The following ABHD17B variants were observed in gnomAD, a reference collection of about 807,000 sequenced individuals.
ABHD17B encodes abhydrolase domain containing 17B, depalmitoylase, also known as alpha/beta hydrolase domain-containing protein 17B.
ABHD17B carries 9 observed loss-of-function variants against 26.2 expected under a neutral mutation model. That is an observed-to-expected ratio of 0.34 (90% CI 0.21 to 0.60). ABHD17B has a LOEUF of 0.60. Among genes scored for constraint, ABHD17B ranks in the 20% least tolerant of loss-of-function variants. The pLI is 0.80. For missense variants in ABHD17B, 224 were observed against 352.1 expected (o/e 0.64, Z 2.91); for synonymous variants, 127 against 122.3 (o/e 1.04, Z -0.25).
intron 1 of ABHD17B, among the ~76,000 whole-genome samples, chr9:71,884,325 T>C (rs895099582): frequency 6.6e-6 from 1 of 152,316 alleles, no homozygotes; most frequent in Middle Eastern, 3.4e-3. Context: ...ACAGGTCCTT[T>C]AAGTGTATCT....
At chr9:71,904,032 C>G (rs150509861) in intron 1 of ABHD17B, among the ~76,000 whole-genome samples, 1 of 152,192 alleles carries the variant, frequency 6.6e-6, no homozygotes, top group Non-Finnish European at 1.5e-5. Context: ...ATCCACTCTT[C>G]CAGTATTTTG....
chr9:71,903,451 T>A (rs1387916724), intron 1 of ABHD17B, among the ~76,000 whole-genome samples: 3 of 152,226 alleles, frequency 2.0e-5, no homozygotes, highest in Admixed American at 6.5e-5. Context: ...TAATCAGATT[T>A]GATCCAAATT....
At chr9:71,872,209 C>T (rs995338323) in intron 2 of ABHD17B, among the ~76,000 whole-genome samples, 2 of 152,100 alleles carry the variant, frequency 1.3e-5, no homozygotes, top group Non-Finnish European at 2.9e-5. Context: ...AAAGTACCTA[C>T]ACTTATGAAA....
At chr9:71,893,617 AT>A (rs1826862151) in intron 1 of ABHD17B, among the ~76,000 whole-genome samples, 4 of 152,326 alleles carry the variant, frequency 2.6e-5, no homozygotes, top group Admixed American at 2.6e-4. Flanking sequence ...GTAGGCAATG[AT>A]TGATTAAATC....
chr9:71,878,869 G>A (rs1826357243), intron 1 of ABHD17B, among the ~76,000 whole-genome samples: 1 of 151,958 alleles, frequency 6.6e-6, no homozygotes, highest in Non-Finnish European at 1.5e-5. Context: ...ATAAATCCAA[G>A]GGAAGGCCAG....
intron 1 of ABHD17B, among the ~76,000 whole-genome samples, chr9:71,897,355 C>CA (rs1399884565): frequency 6.6e-6 from 1 of 151,960 alleles, no homozygotes; most frequent in Non-Finnish European, 1.5e-5. Context: ...ATAGTGTGTA[C>CA]AAAAAATAAA....
At position 71,911,008 on chromosome 9, in the gene ABHD17B, CG is replaced by C. The variant is rs1352494231; in HGVS notation, c.-379del. The C allele has an allele frequency of 1.3e-5, 2 of 154,416 alleles. No homozygotes were observed. The highest frequency in any genetic ancestry group is 2.9e-5 in the Non-Finnish European group (2 of 69,254). The allele number at this position is 154,416 out of a possible 1,614,324, so 9.6% of individuals were successfully genotyped here. A position where few individuals can be genotyped will look rare whatever the true frequency, so the allele number is the denominator to read the frequency against. On this transcript the variant is annotated 5_prime_UTR_variant, in exon 1 of 4. Coordinates refer to ENST00000333421, the MANE Select transcript of ABHD17B (RefSeq NM_001025780.3). Reference sequence around the variant, plus strand: ...CCGTGGTCGCAGCCGCCGCCGCCACCGCCTCCCTTTCTGGCACTGCAGACGC... The same window carrying C: ...CCGTGGTCGCAGCCGCCGCCGCCACCCCTCCCTTTCTGGCACTGCAGACGC...
chr9:71,884,023 A>G (rs1385264739), intron 1 of ABHD17B, among the ~76,000 whole-genome samples: 1 of 152,154 alleles, frequency 6.6e-6, no homozygotes, highest in African/African-American at 2.4e-5. Flanking sequence ...AATGTAGGGA[A>G]CTTCAGCAAA....
In ABHD17B at chr9:71,910,829, C is replaced by T. The variant is rs936510065; in HGVS notation, c.-199G>A. On this transcript the variant is annotated 5_prime_UTR_variant, in exon 1 of 4. Transcript: ENST00000333421. ...GCCGGGGCGAAGAAGGACGGCGGCG[C>T]CCCAGGGGCCCCGCTCACGCTCCCG... The T allele has an allele frequency of 6.6e-6, 1 of 151,666 alleles. No homozygotes were observed. The highest frequency in any genetic ancestry group is 2.4e-5 in the African/African-American group (1 of 41,282). 9.4% of individuals were successfully genotyped at this position (151,666 alleles called of 1,614,324 possible).
intron 3 of ABHD17B, among the ~76,000 whole-genome samples, chr9:71,869,667 A>C (rs536704464): frequency 1.3e-5 from 2 of 152,180 alleles, no homozygotes; most frequent in East Asian, 3.9e-4. Flanking sequence ...TTTAGCTTCT[A>C]CCTGTTCTTC....
At chr9:71,909,648 T>A (rs1035498635) in intron 1 of ABHD17B, among the ~76,000 whole-genome samples, 11 of 152,186 alleles carry the variant, frequency 7.2e-5, no homozygotes, top group African/African-American at 2.4e-4. Flanking sequence ...ATTAGAGGCA[T>A]AAAAAAATTC....
chr9:71,903,775 A>C lies in ABHD17B; in HGVS notation c.-4+6859T>G, dbSNP rs369502717. Among the ~76,000 whole-genome samples the C allele has an allele frequency of 9.8e-5, 15 of 152,368 alleles. 1 individual carries two copies. The highest frequency in any genetic ancestry group is 5.2e-4 in the Admixed American group (8 of 15,304). ...GAATGAGTGAGATAAATATTTATCA[A>C]ATAATGACACAGATAATTATAGACC... On this transcript the variant is annotated intron_variant, in intron 1 of 3. Transcript: ENST00000333421.
intron 1 of ABHD17B, among the ~76,000 whole-genome samples, chr9:71,900,996 C>CA (rs1357666991): frequency 5.3e-5 from 8 of 151,858 alleles, no homozygotes; most frequent in Admixed American, 2.0e-4. Context: ...AAAAAAAATA[C>CA]AAAAAATTAG....
intron 1 of ABHD17B, among the ~76,000 whole-genome samples, chr9:71,881,880 C>T (rs1826451681): frequency 6.6e-6 from 1 of 150,810 alleles, no homozygotes; most frequent in Admixed American, 6.6e-5. Context: ...AGCAAGACTC[C>T]CGTCTCAAAA....
intron 1 of ABHD17B, among the ~76,000 whole-genome samples, chr9:71,883,053 G>A (rs1243293032): frequency 6.6e-6 from 1 of 152,034 alleles, no homozygotes; most frequent in African/African-American, 2.4e-5. Context: ...TGAGGCAGGA[G>A]AATCGTTTGA....
rs1825962475 is a variant in ABHD17B at position 71,866,603 on chromosome 9, T to C, written c.*184A>G. On this transcript the variant is annotated 3_prime_UTR_variant, in exon 4 of 4. Transcript: ENST00000333421. ...ATTACACAGCCTGACTGCACGGTAC[T>C]GTTATTTCCAGTTTTTAGTTCTGGT... 11 of 1,431,382 alleles carry C rather than the reference T, an allele frequency of 7.7e-6. No individual in the cohort carries two copies. The highest frequency in any genetic ancestry group is 9.1e-6 in the Non-Finnish European group (10 of 1,098,764). The allele number at this position is 1,431,382 out of a possible 1,614,324, so 88.7% of individuals were successfully genotyped here.
intron 1 of ABHD17B, among the ~76,000 whole-genome samples, chr9:71,905,927 G>A (rs917732217): frequency 6.6e-6 from 1 of 152,090 alleles, no homozygotes; most frequent in Non-Finnish European, 1.5e-5. Flanking sequence ...CATGCCTGTA[G>A]TCCCAGCCAC....
chr9:71,907,749 G>A (rs1420557140), intron 1 of ABHD17B, among the ~76,000 whole-genome samples: 1 of 152,190 alleles, frequency 6.6e-6, no homozygotes, highest in Non-Finnish European at 1.5e-5. Flanking sequence ...GACCCCAGGT[G>A]ATCCGCCTGC....
At chr9:71,903,699 GT>G (rs1410254788) in intron 1 of ABHD17B, among the ~76,000 whole-genome samples, 2 of 152,214 alleles carry the variant, frequency 1.3e-5, no homozygotes, top group South Asian at 2.1e-4. Flanking sequence ...ATGACTGTAT[GT>G]TAACAAAATA....
Sources: gnomAD v4.1 joint callset for allele counts (sites outside exome capture counted in the v4.1 genomes callset) on GRCh38, gnomAD v4.1.1 for gene constraint, MANE v1.5 for transcripts, NCBI Gene and HGNC (gene_info 2026-07-23, HGNC 2026-07-21) for gene names.